Variants in PPM1N observed in about 807,000 individuals in gnomAD.
PPM1N encodes the protein protein phosphatase, Mg2+/Mn2+ dependent 1N (putative).
A neutral mutation model predicts 32.6 loss-of-function variants in PPM1N; 35 were observed. The ratio of observed to expected loss-of-function variants is 1.07; its 90% CI spans 0.82 to 1.43. The LOEUF (loss-of-function observed/expected upper bound fraction) is 1.43, where lower values mean the gene tolerates loss of function less well. Ranked by LOEUF, PPM1N falls within the 40% of genes most tolerant of loss-of-function variation. The probability of loss-of-function intolerance (pLI) is 0.00; values close to 1 mark genes in which losing one functional copy is unlikely to be tolerated. For missense variants in PPM1N, 648 were observed against 606.6 expected, an observed-to-expected ratio of 1.07 and a Z score of -0.72; for synonymous variants, 275 against 270.5, an observed-to-expected ratio of 1.02 and a Z score of -0.16.
chr19:45,498,658 TG>T lies in PPM1N; in HGVS notation c.191del (p.Gly64AlafsTer82). Reference sequence around the variant, plus strand: ...GGCCGCACGGGGGTGCCGAGGCGTCTGGGGGCCTGCGCTTCGGGGCGAGCGC... The same window carrying T: ...GGCCGCACGGGGGTGCCGAGGCGTCTGGGGCCTGCGCTTCGGGGCGAGCGC... ...QRPHGGAEASGGLRFGASAAQ... is the reference protein window; with the variant it reads ...QRPHGGAEASXGLRFGASAAQ... On this transcript the variant is annotated frameshift_variant, in exon 1 of 5. Transcript: ENST00000451287. LOFTEE classifies it high-confidence loss of function. 1.4e-6 allele frequency: 2 copies of T among 1,431,854 alleles called. No individual in the cohort carries two copies. Among genetic ancestry groups the T allele is most frequent in the Non-Finnish European group, 9.1e-7 (1 of 1,095,710 alleles). 88.7% of individuals were successfully genotyped at this position (1,431,854 alleles called of 1,614,324 possible).
rs759087768 is a variant in PPM1N, at chr19:45,499,364, G to T, written c.892G>T (p.Ala298Ser). 1.2e-6 allele frequency: 2 copies of T among 1,609,650 alleles called. No individual in the cohort carries two copies. Among genetic ancestry groups the T allele is most frequent in the Non-Finnish European group, 1.7e-6 (2 of 1,178,536 alleles). The part of the protein sequence containing the change: ...LVASRLRLGL[A>S]PELLCAQLLD... ...GGCTTCACGCCTCCGCTTGGGCCTG[G>T]CCCCAGAGCTTCTCTGCGCGCAGCT... Residue 298 changes from alanine to serine, a missense_variant, in exon 1 of 5, where the codon GCC becomes TCC. Coordinates refer to ENST00000451287, the MANE Select transcript of PPM1N (RefSeq NM_001080401.2).
In PPM1N at chr19:45,500,145, T is replaced by TC. The variant is rs1599920676; in HGVS notation, c.1057+79_1057+80insC. ...GCCATAACTTTTTCTTTTTTTCTTT[T>TC]TTTTTTTGAGATGGAGTCTTGCTCT... On this transcript the variant is annotated intron_variant, in intron 2 of 4. Transcript: ENST00000451287. The TC allele has an allele frequency of 2.4e-5, 35 of 1,480,624 alleles. No homozygotes were observed. In the East Asian group the frequency reaches 8.7e-4, roughly 37 times the overall value. The allele number at this position is 1,480,624 out of a possible 1,614,324, so 91.7% of individuals were successfully genotyped here. A position where few individuals can be genotyped will look rare whatever the true frequency, so the allele number is the denominator to read the frequency against.
At chr19:45,501,307 T>C (rs147671254) in intron 4 of PPM1N, among the ~76,000 whole-genome samples, 6 of 152,226 alleles carry the variant, frequency 3.9e-5, no homozygotes, top group Admixed American at 2.6e-4. Flanking sequence ...GGGGCCCAGA[T>C]AGCTAAGGAG....
At position 45,498,797 on chromosome 19, in the gene PPM1N, C is replaced by T. The variant is rs1968352705; in HGVS notation, c.325C>T (p.Arg109Ter). 6.5e-7 allele frequency: 1 copy of T among 1,550,044 alleles called. No homozygotes were observed. Among genetic ancestry groups the T allele is most frequent in the South Asian group, 1.2e-5 (1 of 83,396 alleles). The change falls in exon 1 of 5, where the codon CGA becomes TGA. Residue 109 changes from arginine (R) to a stop codon, truncating the protein, a stop_gained. Coordinates refer to ENST00000451287, the MANE Select transcript of PPM1N (RefSeq NM_001080401.2). LOFTEE classifies it high-confidence loss of function. ...CGTCCTCGACGGCCACGGTGGGGCT[C>T]GAGCTGCCCGCTTCGGTGCACGCCA... ...FAVLDGHGGA[R>*]AARFGARHLP...
At position 45,500,686 on chromosome 19, in the gene PPM1N, C is replaced by G. The variant is rs1183661548; in HGVS notation, c.1200C>G (p.Cys400Trp). Residue 400 changes from cysteine (C) to tryptophan (W), a missense_variant, in exon 4 of 5, where the codon TGC (cysteine) becomes TGG (tryptophan). Coordinates refer to ENST00000451287, the MANE Select transcript of PPM1N (RefSeq NM_001080401.2). ...TVIAEVYSQICQVSEECGEKG... is the reference protein window; with the variant it reads ...TVIAEVYSQIWQVSEECGEKG... ...TTGCTGAAGTTTATTCTCAGATCTG[C>G]CAGGTCTCAGAAGAGTGCGGAGAGG... is the stretch of plus-strand genomic sequence containing the variant. 6.2e-7 allele frequency: 1 copy of G among 1,604,310 alleles called. No individual in the cohort carries two copies.
Position 45,498,476 on chromosome 19 carries a change from G to A in PPM1N, c.4G>A (p.Ala2Thr). 7.4e-7 allele frequency: 1 copy of A among 1,351,496 alleles called. No homozygotes were observed. Among genetic ancestry groups the A allele is most frequent in the Non-Finnish European group, 9.5e-7 (1 of 1,050,184 alleles). 83.7% of individuals were successfully genotyped at this position (1,351,496 alleles called of 1,614,324 possible). Residue 2 changes from alanine (A) to threonine (T), a missense_variant, in exon 1 of 5, where the codon GCG (alanine) becomes ACG (threonine). Physicochemically the swap from Ala to Thr is moderately conservative, Grantham distance 58. Coordinates refer to ENST00000451287, the MANE Select transcript of PPM1N (RefSeq NM_001080401.2). MAVLARQLQRLL... is the reference protein window; with the variant it reads MTVLARQLQRLL... The stretch of plus-strand genomic sequence containing the variant: ...TTCCTGATCCCAGGGCTGAAGGATG[G>A]CGGTCCTGGCCCGCCAGCTGCAGCG...
Position 45,502,061 on chromosome 19 carries a change from C to T in PPM1N, c.1269C>T (p.Gly423=), listed in dbSNP as rs1968422075. 3 of 1,562,844 alleles carry T rather than the reference C, an allele frequency of 1.9e-6. No individual in the cohort carries two copies. Among genetic ancestry groups the T allele is most frequent in the East Asian group, 2.5e-5 (1 of 40,290 alleles). ...GAGKSNPTHL[G]SALDMEA The stretch of plus-strand genomic sequence containing the variant: ...GGAAGTCCAACCCCACGCATTTGGG[C>T]TCAGCCTTGGACATGGAGGCCTGAC... Residue 423 remains glycine (G), a synonymous_variant, in exon 5 of 5, where the codon GGC becomes GGT. Coordinates refer to ENST00000451287, the MANE Select transcript of PPM1N (RefSeq NM_001080401.2).
chr19:45,499,620 G>C lies in PPM1N; in HGVS notation c.939+209G>C, dbSNP rs1357353050. 4 of 1,549,294 alleles carry C rather than the reference G, an allele frequency of 2.6e-6. 1 individual carries two copies. The East Asian group carries it at 7.3e-5, about 28-fold the overall frequency. ...GATGCTTTGAGGCACGGGAGAGTTA[G>C]TGGAAGGGACTTAAGAGAAAGGGCG... On this transcript the variant is annotated intron_variant, in intron 1 of 4. Transcript: ENST00000451287.
chr19:45,500,511 G>A lies in PPM1N; in HGVS notation c.1113G>A (p.Leu371=). 6.2e-7 allele frequency: 1 copy of A among 1,611,876 alleles called. No individual in the cohort carries two copies. The highest frequency in any genetic ancestry group is 8.5e-7 in the Non-Finnish European group (1 of 1,179,000). Residue 371 remains leucine (L), a synonymous_variant, in exon 3 of 5, where the codon CTG becomes CTA. Transcript: ENST00000451287. ...PPSLNTVFRT[L]ASEDIPDLPP... is the part of the protein sequence containing the mutation. ...GCCTGAACACAGTTTTCAGGACTCT[G>A]GCCTCAGAGGACATCCCAGATTTAC...
At chr19:45,499,810 A>G (rs35446288) in intron 1 of PPM1N, 139 bp from the exon 2 acceptor site, 282,821 of 1,495,914 alleles carry the variant, frequency 0.19, 28,831 homozygotes, top group East Asian at 0.36. Context: ...GGTCCCAGTA[A>G]GAGAGGATTG....
intron 1 of PPM1N, chr19:45,499,717 G>A (rs1191661209): frequency 1.9e-6 from 3 of 1,543,980 alleles, no homozygotes. Context: ...CTGGAAGGTG[G>A]AAGAGCAGGT....
chr19:45,499,993 G>C lies in PPM1N; in HGVS notation c.984G>C (p.Gly328=). 6.2e-7 allele frequency: 1 copy of C among 1,603,602 alleles called. No individual in the cohort carries two copies. The highest frequency in any genetic ancestry group is 8.5e-7 in the Non-Finnish European group (1 of 1,174,894). ...CCTGCATCCTGGTCTGCTTCCCTGG[G>C]GCCCCTAGGCCTTCTGAGGAGGCGA... The part of the protein sequence containing the change: ...NMTCILVCFP[G]APRPSEEAIR... Residue 328 remains glycine (G), a synonymous_variant, in exon 2 of 5, where the codon GGG becomes GGC. Transcript: ENST00000451287.
chr19:45,499,307 ACTGTGT>A lies in PPM1N; in HGVS notation c.839_844del (p.Val280_Ser281del). On this transcript the variant is annotated inframe_deletion, in exon 1 of 5. Transcript: ENST00000451287. ...CCTGGCCTCTGATGGCGTCTGGGAC[ACTGTGT>A]CTGGTGCTGCCCTGGCGGGACTGGT... 1 of 1,613,144 alleles carries A rather than the reference ACTGTGT, an allele frequency of 6.2e-7. No homozygotes were observed. Among genetic ancestry groups the A allele is most frequent in the African/African-American group, 1.3e-5 (1 of 75,054 alleles).
At position 45,499,203 on chromosome 19, in the gene PPM1N, G is replaced by A. The variant is rs1241994448; in HGVS notation, c.731G>A (p.Arg244Lys). The A allele has an allele frequency of 6.4e-7, 1 of 1,559,166 alleles. No individual in the cohort carries two copies. The highest frequency in any genetic ancestry group is 1.9e-5 in the Admixed American group (1 of 51,790). The stretch of plus-strand genomic sequence containing the variant: ...TTTACCTACAAGGAGGCTCCGGGGA[G>A]GCCCCCCGAGCTACAGCTCGTTTCT... ...GDFTYKEAPG[R>K]PPELQLVSAE... Residue 244 changes from arginine to lysine, a missense_variant, in exon 1 of 5, where the codon AGG becomes AAG. Physicochemically the swap from Arg to Lys is conservative, Grantham distance 26. Transcript: ENST00000451287.
chr19:45,499,665 G>T (rs1473407003), intron 1 of PPM1N: 2 of 1,548,262 alleles, frequency 1.3e-6, no homozygotes, highest in African/African-American at 1.4e-5. Context: ...GGAAAGGGGC[G>T]ATTCTGGGTC....
intron 4 of PPM1N, among the ~76,000 whole-genome samples, chr19:45,501,323 G>A (rs1968411131): frequency 6.6e-6 from 1 of 152,302 alleles, no homozygotes; most frequent in South Asian, 2.1e-4. Flanking sequence ...AGGAGAATTT[G>A]GAGATATCCA....
In PPM1N at chr19:45,502,143, G is replaced by A. The variant is rs1455763105; in HGVS notation, c.*58G>A. The A allele has an allele frequency of 7.5e-7, 1 of 1,334,470 alleles. No homozygotes were observed. Among genetic ancestry groups the A allele is most frequent in the Non-Finnish European group, 1.1e-6 (1 of 943,926 alleles). The allele number at this position is 1,334,470 out of a possible 1,614,324, so 82.7% of individuals were successfully genotyped here. A position where few individuals can be genotyped will look rare whatever the true frequency, so the allele number is the denominator to read the frequency against. On this transcript the variant is annotated 3_prime_UTR_variant, in exon 5 of 5. Coordinates refer to ENST00000451287, the MANE Select transcript of PPM1N (RefSeq NM_001080401.2). The stretch of plus-strand genomic sequence containing the variant: ...CTGGGGCCTCAACAGAACTAAAGAA[G>A]AAAACCGACCCTTTCCCCAACTACA...
chr19:45,502,328 A>C lies in PPM1N; in HGVS notation c.*243A>C, dbSNP rs539685092. ...AAATCGAAAAAAAAAAAAAAAAAAAAAAAAAACAAAAAAACCCAACCAAAT... is the reference window on the plus strand; with the variant it reads ...AAATCGAAAAAAAAAAAAAAAAAAACAAAAAACAAAAAAACCCAACCAAAT... On this transcript the variant is annotated 3_prime_UTR_variant, in exon 5 of 5. Transcript: ENST00000451287. 1.5e-3 allele frequency: 727 copies of C among 487,830 alleles called. 23 individuals carry two copies. The highest frequency in any genetic ancestry group is 2.4e-3 in the African/African-American group (94 of 39,892). 30.2% of individuals were successfully genotyped at this position (487,830 alleles called of 1,614,324 possible). A position where few individuals can be genotyped will look rare whatever the true frequency, so the allele number is the denominator to read the frequency against.
In PPM1N at chr19:45,502,042, C is replaced by A. The variant is rs1968421323; in HGVS notation, c.1250C>A (p.Ser417Tyr). 6.5e-7 allele frequency: 1 copy of A among 1,541,926 alleles called. No individual in the cohort carries two copies. The highest frequency in any genetic ancestry group is 8.7e-7 in the Non-Finnish European group (1 of 1,153,134). The change falls in exon 5 of 5, where the codon TCC (serine) becomes TAC (tyrosine). Residue 417 changes from serine (S) to tyrosine (Y), a missense_variant. Physicochemically the swap from Ser to Tyr is moderately radical, Grantham distance 144 (BLOSUM62 -2). Transcript: ENST00000451287. ...AAGGGGCAGGATGGGGCTGGGAAGT[C>A]CAACCCCACGCATTTGGGCTCAGCC... is the stretch of plus-strand genomic sequence containing the variant. ...GEKGQDGAGK[S>Y]NPTHLGSALD... is the part of the protein sequence containing the mutation.
Sources: allele counts gnomAD v4.1 joint callset (sites outside exome capture counted in the v4.1 genomes callset), GRCh38; gene constraint gnomAD v4.1.1; transcripts MANE v1.5; gene names NCBI Gene and HGNC (gene_info 2026-07-23, HGNC 2026-07-21).